Variants in DDX24 observed in about 807,000 individuals in gnomAD.
DDX24 encodes ATP-dependent RNA helicase DDX24.
A neutral mutation model predicts 68.9 loss-of-function variants in DDX24; 24 were observed. The ratio of observed to expected loss-of-function variants is 0.35; its 90% confidence interval spans 0.25 to 0.49. DDX24 has a LOEUF of 0.49. Ranked by LOEUF, DDX24 falls within the 20% of genes least tolerant of loss-of-function variation. DDX24 has a pLI of 0.99. For synonymous variants in DDX24, 395 were observed against 385.2 expected (o/e 1.03, Z -0.30); for missense variants, 989 against 1,039.0 (o/e 0.95, Z 0.66).
chr14:94,075,455 A>G (rs1283767338), intron 2 of DDX24, among the ~76,000 whole-genome samples: 4 of 152,082 alleles, frequency 2.6e-5, no homozygotes, highest in African/African-American at 9.7e-5. Flanking sequence ...ATGCAGAAAA[A>G]CCCACAAACT....
intron 4 of DDX24, 79 bp downstream of exon 4, chr14:94,060,834 A>C (rs1396784320): frequency 3.8e-6 from 6 of 1,568,050 alleles, no homozygotes; most frequent in Admixed American, 1.8e-5. Flanking sequence ...GATGAGAAGA[A>C]GGCATTGCCC....
chr14:94,050,002 C>A lies in DDX24; in HGVS notation c.*1189G>T, dbSNP rs1885358711. On this transcript the variant is annotated 3_prime_UTR_variant, in exon 9 of 9. Transcript: ENST00000621632. The stretch of plus-strand genomic sequence containing the variant: ...GCTAGCTACTTAGATCTTGGGGTAT[C>A]TTGGTCCCTTTGTGTATCCTCTTCA... 1 of 152,210 alleles carries A rather than the reference C, an allele frequency of 6.6e-6. No individual in the cohort carries two copies. The highest frequency in any genetic ancestry group is 2.4e-5 in the African/African-American group (1 of 41,450). The allele number at this position is 152,210 out of a possible 1,614,324, so 9.4% of individuals were successfully genotyped here. A position where few individuals can be genotyped will look rare whatever the true frequency, so the allele number is the denominator to read the frequency against.
intron 4 of DDX24, 112 bp from the exon 5 acceptor site, chr14:94,060,725 A>G: frequency 6.8e-7 from 1 of 1,466,894 alleles, no homozygotes; most frequent in Admixed American, 2.1e-5. Context: ...TACACACCCC[A>G]CTACCACCAC....
Position 94,053,008 on chromosome 14 carries a change from G to C in DDX24, c.2298C>G (p.Asp766Glu), listed in dbSNP as rs1431915861. ...CGCCCAAGGGCTTACCCTTATACAT[G>C]TCTTCTTCCAGCTCAATCTCCAGGG... ...AAALEIELEEDMYKGGKADQQ... is the reference protein window; with the variant it reads ...AAALEIELEEEMYKGGKADQQ... The change falls in exon 8 of 9, where the codon GAC becomes GAG. Residue 766 changes from aspartate (D) to glutamate (E), a missense_variant. Around this residue, in one of 3 missense-constraint regions of DDX24, gnomAD observed 691 missense variants for 760.0 expected, o/e 0.91. Transcript: ENST00000621632. 3 of 1,613,634 alleles carry C rather than the reference G, an allele frequency of 1.9e-6. No homozygotes were observed. Among genetic ancestry groups the C allele is most frequent in the African/African-American group, 2.7e-5 (2 of 74,916 alleles).
intron 7 of DDX24, among the ~76,000 whole-genome samples, chr14:94,053,767 T>C (rs531144245): frequency 7.9e-5 from 12 of 152,266 alleles, no homozygotes; most frequent in East Asian, 3.9e-4. Context: ...TGAGCCAAGA[T>C]TGTGCCACTG....
intron 2 of DDX24, among the ~76,000 whole-genome samples, chr14:94,076,080 A>ATTT: frequency 6.6e-6 from 1 of 152,378 alleles, no homozygotes; most frequent in African/African-American, 2.4e-5. Context: ...CATTTACCAC[A>ATTT]AGACCTAGCC....
At chr14:94,056,015 C>T (rs1168559519) in intron 6 of DDX24, 2 of 152,216 alleles carry the variant, frequency 1.3e-5, no homozygotes, top group East Asian at 1.9e-4. Flanking sequence ...TTTTCTAATA[C>T]CTTCTGCCTT....
In DDX24 at chr14:94,079,079, T is replaced by A. The variant is rs746232014; in HGVS notation, c.664A>T (p.Thr222Ser). 1 of 1,614,146 alleles carries A rather than the reference T, an allele frequency of 6.2e-7. No individual in the cohort carries two copies. The highest frequency in any genetic ancestry group is 1.1e-5 in the South Asian group (1 of 91,082). ...FSAPTPIQALTLAPAIRDKLD... is the reference protein window; with the variant it reads ...FSAPTPIQALSLAPAIRDKLD... ...TTGTCACGGATGGCAGGTGCCAAGGTCAGGGCTTGGATTGGTGTGGGTGCA... is the reference window on the plus strand; with the variant it reads ...TTGTCACGGATGGCAGGTGCCAAGGACAGGGCTTGGATTGGTGTGGGTGCA... The change falls in exon 2 of 9, where the codon ACC (threonine) becomes TCC (serine). Residue 222 changes from threonine (T) to serine (S), a missense_variant. Thr to Ser is a moderately conservative substitution (Grantham distance 58). This residue lies in a region of DDX24 where 295 missense variants were observed against 263.0 expected (regional missense o/e 1.12). Coordinates refer to ENST00000621632, the MANE Select transcript of DDX24 (RefSeq NM_020414.4).
chr14:94,075,129 CTTT>C (rs1339456825), intron 2 of DDX24, among the ~76,000 whole-genome samples: 1 of 152,136 alleles, frequency 6.6e-6, no homozygotes, highest in Non-Finnish European at 1.5e-5. Context: ...TATCAGCTTA[CTTT>C]TTTTGTAGAA....
At position 94,062,411 on chromosome 14, in the gene DDX24, G is replaced by C. The variant is rs1255347396; in HGVS notation, c.929C>G (p.Pro310Arg). 10 of 1,614,108 alleles carry C rather than the reference G, an allele frequency of 6.2e-6. No homozygotes were observed. Among genetic ancestry groups the C allele is most frequent in the East Asian group, 2.2e-5 (1 of 44,880 alleles). The change falls in exon 3 of 9, where the codon CCC becomes CGC. Residue 310 changes from proline to arginine, a missense_variant. Around this residue, in one of 3 missense-constraint regions of DDX24, gnomAD observed 691 missense variants for 760.0 expected, o/e 0.91. Coordinates refer to ENST00000621632, the MANE Select transcript of DDX24 (RefSeq NM_020414.4). ...TCTGGCCTCGGCTGCAATATCACTGGGCAGTGCTTCACTCTCAATTACAGT... is the reference window on the plus strand; with the variant it reads ...TCTGGCCTCGGCTGCAATATCACTGCGCAGTGCTTCACTCTCAATTACAGT... ...DDTVIESEAL[P>R]SDIAAEARAK... is the part of the protein sequence containing the mutation.
intron 2 of DDX24, among the ~76,000 whole-genome samples, chr14:94,073,209 C>G (rs866127377): frequency 6.6e-6 from 1 of 151,958 alleles, no homozygotes; most frequent in Admixed American, 6.5e-5. Context: ...GCTCAGCCCC[C>G]CAAGCAGCTG....
intron 2 of DDX24, among the ~76,000 whole-genome samples, chr14:94,075,359 G>T (rs1350571847): frequency 1.3e-5 from 2 of 152,126 alleles, no homozygotes; most frequent in Non-Finnish European, 2.9e-5. Context: ...ACACCTATAT[G>T]GTCACAGACT....
chr14:94,072,057 G>A (rs182003776), intron 2 of DDX24, among the ~76,000 whole-genome samples: 1 of 152,156 alleles, frequency 6.6e-6, no homozygotes. Context: ...ATTCCTTAAA[G>A]AACTAAAAGT....
chr14:94,051,324 G>A lies in DDX24; in HGVS notation c.2447C>T (p.Pro816Leu), dbSNP rs147672109. 5.9e-4 allele frequency: 948 copies of A among 1,613,246 alleles called. 3 individuals carry two copies. The highest frequency in any genetic ancestry group is 1.2e-3 in the South Asian group (108 of 90,974). Residue 816 changes from proline to leucine, a missense_variant, in exon 9 of 9, where the codon CCG becomes CTG. Coordinates refer to ENST00000621632, the MANE Select transcript of DDX24 (RefSeq NM_020414.4). ...KTKYPTQSGK[P>L]PLLVSAPSKS... is the part of the protein sequence containing the mutation. ...ACTTGGGGCAGACACAAGCAGGGGC[G>A]GCTTGCCAGACTGAGTGGGATACTT...
chr14:94,072,237 C>T (rs1036920507), intron 2 of DDX24, among the ~76,000 whole-genome samples: 7 of 152,136 alleles, frequency 4.6e-5, no homozygotes, highest in African/African-American at 1.4e-4. Flanking sequence ...GATAAAGAAA[C>T]TGTGGTATAT....
intron 1 of DDX24, among the ~76,000 whole-genome samples, chr14:94,080,666 C>T (rs1595382959): frequency 6.6e-6 from 1 of 152,072 alleles, no homozygotes; most frequent in South Asian, 2.1e-4. Context: ...CGTTCGCACA[C>T]AGTGCCCGCC....
At chr14:94,054,942 G>A in intron 7 of DDX24, 54 bp downstream of exon 7, 1 of 1,574,426 alleles carries the variant, frequency 6.4e-7, no homozygotes. Flanking sequence ...AAGGTGCTCT[G>A]CAAGGGAGCA....
At position 94,053,123 on chromosome 14, in the gene DDX24, C is replaced by T; in HGVS notation, c.2183G>A (p.Arg728Gln). The T allele has an allele frequency of 1.9e-6, 3 of 1,614,080 alleles. No homozygotes were observed. Among genetic ancestry groups the T allele is most frequent in the Middle Eastern group, 1.7e-4 (1 of 6,060 alleles). ...QTKYMDVVKE[R>Q]IRLARQIEKS... ...CTCAATCTGTCGAGCTAAACGGATT[C>T]GCTCCTGGGGGGAAGTAACAGAAAA... Residue 728 changes from arginine (R) to glutamine (Q), a missense_variant, in exon 8 of 9, where the codon CGA (arginine) becomes CAA (glutamine). Arg to Gln is a conservative substitution (Grantham distance 43). Transcript: ENST00000621632.
In DDX24 at chr14:94,053,042, G is replaced by A; in HGVS notation, c.2264C>T (p.Ala755Val). 1 of 1,614,178 alleles carries A rather than the reference G, an allele frequency of 6.2e-7. No homozygotes were observed. The highest frequency in any genetic ancestry group is 8.5e-7 in the Non-Finnish European group (1 of 1,180,020). The change falls in exon 8 of 9, where the codon GCA becomes GTA. Residue 755 changes from alanine (A) to valine (V), a missense_variant. Around this residue, in one of 3 missense-constraint regions of DDX24, gnomAD observed 691 missense variants for 760.0 expected, o/e 0.91. Coordinates refer to ENST00000621632, the MANE Select transcript of DDX24 (RefSeq NM_020414.4). ...ACLHNSWIEQ[A>V]AAALEIELEE... ...CAGCTCAATCTCCAGGGCAGCTGCT[G>A]CCTGCTCAATCCAAGAGTTGTGCAG...
Sources: allele counts gnomAD v4.1 joint callset (sites outside exome capture counted in the v4.1 genomes callset), GRCh38; gene constraint gnomAD v4.1.1; regional missense constraint gnomAD v4.1.1; transcripts MANE v1.5; gene names NCBI Gene and HGNC (gene_info 2026-07-23, HGNC 2026-07-21).